Variants in ACOXL observed in about 807,000 individuals in gnomAD.
The protein encoded by ACOXL is acyl-CoA oxidase like, also known as acyl-coenzyme A oxidase-like protein.
ACOXL carries 70 observed loss-of-function variants against 71.9 expected under a neutral mutation model. The ratio of observed to expected loss-of-function variants is 0.97; its 90% confidence interval spans 0.80 to 1.19. ACOXL has a LOEUF of 1.19. ACOXL is among the 50% of genes most tolerant of loss of function. ACOXL has a pLI of 0.00. For missense variants in ACOXL, 703 were observed against 736.3 expected (o/e 0.95, Z 0.52); for synonymous variants, 253 against 281.6 (o/e 0.90, Z 1.02).
chr2:110,961,016 T>C (rs2061682710), intron 12 of ACOXL, among the ~76,000 whole-genome samples: 1 of 152,368 alleles, frequency 6.6e-6, no homozygotes, highest in East Asian at 1.9e-4. Context: ...TTGAGACTCC[T>C]GTGAGGCCAG....
At chr2:110,790,608 C>T (rs917406228) in intron 3 of ACOXL, among the ~76,000 whole-genome samples, 2 of 152,198 alleles carry the variant, frequency 1.3e-5, no homozygotes, top group Non-Finnish European at 2.9e-5. Context: ...TTCTCTCTTA[C>T]CACTGCTTTT....
intron 10 of ACOXL, among the ~76,000 whole-genome samples, chr2:110,896,777 TGTA>T: frequency 6.6e-6 from 1 of 152,182 alleles, no homozygotes; most frequent in East Asian, 1.9e-4. Context: ...AATCTACAGT[TGTA>T]GTAGGAGACT....
intron 14 of ACOXL, among the ~76,000 whole-genome samples, chr2:111,025,558 G>A (rs556426717): frequency 2.0e-5 from 3 of 152,186 alleles, no homozygotes; most frequent in South Asian, 2.1e-4. Context: ...CTTAATCTGC[G>A]TTTCTCAGAT....
Position 110,987,089 on chromosome 2 carries a change from C to T in ACOXL, c.1060-19C>T, listed in dbSNP as rs779831962. 25 of 1,549,464 alleles carry T rather than the reference C, an allele frequency of 1.6e-5. No homozygotes were observed. Among genetic ancestry groups the T allele is most frequent in the Middle Eastern group, 1.7e-4 (1 of 5,998 alleles). On this transcript the variant is annotated intron_variant, in intron 12 of 17. Coordinates refer to ENST00000439055, the MANE Select transcript of ACOXL (RefSeq NM_001142807.4). ...TTTTTACACTGCTGAGACTGATGAG[C>T]GATAAACTCTTTGCACAGGTTGTGG...
intron 1 of ACOXL, among the ~76,000 whole-genome samples, chr2:110,751,038 C>G (rs1211739040): frequency 1.3e-5 from 2 of 151,768 alleles, no homozygotes; most frequent in Non-Finnish European, 2.9e-5. Flanking sequence ...GTGGCTCACG[C>G]CTGTAATCCC....
intron 16 of ACOXL, among the ~76,000 whole-genome samples, chr2:111,089,298 AAAACAAAC>A (rs368776745): frequency 0.017 from 2,644 of 152,138 alleles, 44 homozygotes; most frequent in Non-Finnish European, 0.027. Flanking sequence ...CTCCGTCTCA[AAAACAAAC>A]AAACAAACAA....
chr2:110,735,108 T>C (rs1285806872), intron 1 of ACOXL, among the ~76,000 whole-genome samples: 1 of 152,182 alleles, frequency 6.6e-6, no homozygotes, highest in African/African-American at 2.4e-5. Flanking sequence ...TAGTTCAGAG[T>C]TGTAGTAATG....
intron 16 of ACOXL, among the ~76,000 whole-genome samples, chr2:111,089,339 A>G (rs1226467673): frequency 6.6e-6 from 1 of 152,208 alleles, no homozygotes; most frequent in Admixed American, 6.5e-5. Flanking sequence ...ATTTGGAAAA[A>G]TTGATGATGT....
intron 10 of ACOXL, among the ~76,000 whole-genome samples, chr2:110,908,237 G>A (rs948740382): frequency 2.0e-5 from 3 of 152,202 alleles, no homozygotes; most frequent in Admixed American, 6.5e-5. Flanking sequence ...AGAGTGCAAC[G>A]CAGATGCTGT....
intron 3 of ACOXL, among the ~76,000 whole-genome samples, chr2:110,785,895 A>G (rs554820514): frequency 2.6e-5 from 4 of 152,346 alleles, no homozygotes; most frequent in East Asian, 3.9e-4. Context: ...ACAGCATGTA[A>G]TCGGATCCTG....
chr2:110,909,391 A>G (rs1272139288), intron 11 of ACOXL, among the ~76,000 whole-genome samples: 3 of 152,158 alleles, frequency 2.0e-5, no homozygotes. Context: ...ATTCTACCAC[A>G]GGCTTTCATT....
intron 9 of ACOXL, among the ~76,000 whole-genome samples, chr2:110,839,810 T>C (rs1015091938): frequency 6.6e-6 from 1 of 152,110 alleles, no homozygotes; most frequent in African/African-American, 2.4e-5. Flanking sequence ...CTGGGGATCC[T>C]CCTATCATCT....
chr2:110,757,055 A>G (rs909262641), intron 1 of ACOXL, among the ~76,000 whole-genome samples: 11 of 147,672 alleles, frequency 7.4e-5, no homozygotes, highest in Non-Finnish European at 1.3e-4. Flanking sequence ...CCCTCCTCCA[A>G]CCCCCCCCAA....
At chr2:110,839,444 A>G (rs1323461922) in intron 9 of ACOXL, among the ~76,000 whole-genome samples, 3 of 152,186 alleles carry the variant, frequency 2.0e-5, no homozygotes, top group Non-Finnish European at 4.4e-5. Context: ...TCTCTGAGGC[A>G]TCTTCCTCTT....
At position 111,092,876 on chromosome 2, in the gene ACOXL, G is replaced by A. The variant is rs2068606344; in HGVS notation, c.1452G>A (p.Leu484=). The change falls in exon 17 of 18, where the codon TTG becomes TTA. Residue 484 remains leucine (L), a synonymous_variant. Coordinates refer to ENST00000439055, the MANE Select transcript of ACOXL (RefSeq NM_001142807.4). ...DQTLLMKFCL[L]YGTKLVFQER... ...CCCCCACCCCTTAGTTTTGTCTGTT[G>A]TATGGAACCAAGCTGGTGTTTCAGG... 1 of 1,613,378 alleles carries A rather than the reference G, an allele frequency of 6.2e-7. No homozygotes were observed. Among genetic ancestry groups the A allele is most frequent in the Admixed American group, 1.7e-5 (1 of 59,946 alleles).
chr2:110,911,857 G>T (rs1253503793), intron 11 of ACOXL, among the ~76,000 whole-genome samples: 3 of 152,032 alleles, frequency 2.0e-5, no homozygotes, highest in Non-Finnish European at 4.4e-5. Context: ...TGAGGTTCTA[G>T]TCAAGACAAT....
At chr2:110,984,082 G>A (rs1198699579) in intron 12 of ACOXL, among the ~76,000 whole-genome samples, 3 of 152,092 alleles carry the variant, frequency 2.0e-5, no homozygotes, top group Non-Finnish European at 4.4e-5. Context: ...CTGACCTCAG[G>A]TGATCCACCC....
chr2:110,921,396 C>G (rs1410435339), intron 11 of ACOXL, among the ~76,000 whole-genome samples: 16 of 130,636 alleles, frequency 1.2e-4, no homozygotes, highest in African/African-American at 3.9e-4. Flanking sequence ...CCACCCCCCC[C>G]CCCCTTTTTT....
chr2:110,820,990 G>A (rs1182456388), intron 9 of ACOXL, among the ~76,000 whole-genome samples: 1 of 152,196 alleles, frequency 6.6e-6, no homozygotes, highest in Non-Finnish European at 1.5e-5. Context: ...TGAATAACAT[G>A]TATGATTCAC....
Sources: allele counts gnomAD v4.1 joint callset (sites outside exome capture counted in the v4.1 genomes callset), GRCh38; gene constraint gnomAD v4.1.1; transcripts MANE v1.5; gene names NCBI Gene and HGNC (gene_info 2026-07-23, HGNC 2026-07-21).